The following WWOX variants were observed in gnomAD, a reference collection of about 807,000 sequenced individuals.
The protein encoded by WWOX is WW domain containing oxidoreductase, also known as WW domain-containing oxidoreductase.
WWOX carries 69 observed loss-of-function variants against 46.2 expected under a neutral mutation model. The observed-to-expected ratio is 1.49, with a 90% CI of 1.23 to 1.82. The LOEUF is 1.82. WWOX is among the 40% of genes most tolerant of loss of function. The pLI, the probability that WWOX is intolerant of heterozygous loss-of-function variation, is 0.00. For synonymous variants in WWOX, 359 were observed against 202.6 expected (o/e 1.77, Z -6.56); for missense variants, 919 against 542.6 (o/e 1.69, Z -6.89).
At chr16:78,967,241 CTAGCCCCAAACAACTGG>C (rs1281224442) in intron 8 of WWOX, among the ~76,000 whole-genome samples, 3 of 147,748 alleles carry the variant, frequency 2.0e-5, no homozygotes, top group Non-Finnish European at 3.0e-5. Context: ...GTGGATGAAT[CTAGCCCCAAACAACTGG>C]GAGGCAACTA....
intron 8 of WWOX, among the ~76,000 whole-genome samples, chr16:79,189,423 T>TTG (rs4035319): frequency 0.022 from 2,503 of 114,900 alleles, 31 homozygotes; most frequent in South Asian, 0.026. Flanking sequence ...ACTCCCAGCT[T>TTG]TGTGTGTGTG....
chr16:78,932,277 C>T (rs951438591), intron 8 of WWOX, among the ~76,000 whole-genome samples: 4 of 152,248 alleles, frequency 2.6e-5, no homozygotes, highest in African/African-American at 9.6e-5. Flanking sequence ...CTGGTCCTGT[C>T]CGCAAACAGA....
intron 8 of WWOX, among the ~76,000 whole-genome samples, chr16:78,652,782 G>A (rs565311252): frequency 4.6e-5 from 7 of 152,106 alleles, no homozygotes; most frequent in Admixed American, 6.5e-5. Context: ...TCTTTAATAC[G>A]TGTATATATT....
At chr16:78,954,370 G>A (rs1243125494) in intron 8 of WWOX, among the ~76,000 whole-genome samples, 1 of 152,116 alleles carries the variant, frequency 6.6e-6, no homozygotes, top group Non-Finnish European at 1.5e-5. Flanking sequence ...ATGGATGCAT[G>A]GATGTTTGGG....
chr16:78,852,560 C>T (rs182923445), intron 8 of WWOX, among the ~76,000 whole-genome samples: 1 of 152,136 alleles, frequency 6.6e-6, no homozygotes, highest in Admixed American at 6.5e-5. Context: ...ATGAAATGAC[C>T]ATCTTGACTT....
intron 8 of WWOX, among the ~76,000 whole-genome samples, chr16:78,930,517 C>T (rs915118146): frequency 6.7e-6 from 1 of 148,382 alleles, no homozygotes; most frequent in Non-Finnish European, 1.5e-5. Context: ...TCTTGAACTC[C>T]TAGCCTCAAG....
intron 8 of WWOX, among the ~76,000 whole-genome samples, chr16:78,912,653 T>C (rs1355940113): frequency 6.6e-6 from 1 of 152,024 alleles, no homozygotes; most frequent in Non-Finnish European, 1.5e-5. Flanking sequence ...ATGTCCCCTT[T>C]AATTCTCATT....
chr16:78,449,749 A>G (rs142904688), intron 8 of WWOX, among the ~76,000 whole-genome samples: 1 of 152,348 alleles, frequency 6.6e-6, no homozygotes, highest in African/African-American at 2.4e-5. Context: ...ACAAACTGGT[A>G]GATAATGTAT....
intron 8 of WWOX, among the ~76,000 whole-genome samples, chr16:79,040,063 C>G (rs2151408575): frequency 6.6e-6 from 1 of 152,260 alleles, no homozygotes; most frequent in East Asian, 1.9e-4. Flanking sequence ...CTCAGTGTTT[C>G]CATCTATAAA....
rs187154378 is a variant in WWOX at position 79,074,787 on chromosome 16, A to G, written c.1057-136821A>G. ...CAGAAAATAGCAAGTTATTTGCAAA[A>G]TCAAATGCTGATGTAACCATTTCCA... On this transcript the variant is annotated intron_variant, in intron 8 of 8. Coordinates refer to ENST00000566780, the MANE Select transcript of WWOX (RefSeq NM_016373.4). Among the ~76,000 whole-genome samples, 134 of 152,244 alleles carry G rather than the reference A, an allele frequency of 8.8e-4. 3 individuals are homozygous for G. Among genetic ancestry groups the G allele is most frequent in the Middle Eastern group, 3.4e-3 (1 of 294 alleles).
chr16:78,678,323 G>A (rs947338916), intron 8 of WWOX, among the ~76,000 whole-genome samples: 3 of 152,162 alleles, frequency 2.0e-5, no homozygotes, highest in Non-Finnish European at 4.4e-5. Context: ...CTGCAGTAGG[G>A]TATGAGCGGG....
intron 8 of WWOX, among the ~76,000 whole-genome samples, chr16:79,187,149 C>T (rs1377144524): frequency 2.0e-5 from 3 of 152,178 alleles, no homozygotes; most frequent in Non-Finnish European, 1.5e-5. Context: ...CCCAGCTCCA[C>T]CACTTACGAA....
intron 8 of WWOX, among the ~76,000 whole-genome samples, chr16:79,097,232 T>A (rs1195790075): frequency 6.6e-6 from 1 of 152,148 alleles, no homozygotes; most frequent in Admixed American, 6.5e-5. Flanking sequence ...AATAATTGCA[T>A]AATGACGTCT....
At chr16:78,303,318 T>A (rs1482118755) in intron 5 of WWOX, among the ~76,000 whole-genome samples, 1 of 152,164 alleles carries the variant, frequency 6.6e-6, no homozygotes, top group Admixed American at 6.5e-5. Context: ...TTGGTCTCAT[T>A]GTGGTCTTTT....
At chr16:78,959,648 G>A (rs755975214) in intron 8 of WWOX, among the ~76,000 whole-genome samples, 1 of 152,072 alleles carries the variant, frequency 6.6e-6, no homozygotes, top group Non-Finnish European at 1.5e-5. Flanking sequence ...AAAGATCAAA[G>A]AGCTCATCAA....
Position 79,212,000 on chromosome 16 carries a change from T to TGGGCTAGGCATAGGTCTCTTTG in WWOX, c.*205_*226dup. On this transcript the variant is annotated 3_prime_UTR_variant, in exon 9 of 9. Coordinates refer to ENST00000566780, the MANE Select transcript of WWOX (RefSeq NM_016373.4). ...GGGTAAAGTATCACTTTTCTGGGGC[T>TGGGCTAGGCATAGGTCTCTTTG]GGGCTAGGCATAGGTCTCTTTGCTT... 6.7e-7 allele frequency: 1 copy of TGGGCTAGGCATAGGTCTCTTTG among 1,498,758 alleles called. No homozygotes were observed. Among genetic ancestry groups the TGGGCTAGGCATAGGTCTCTTTG allele is most frequent in the Non-Finnish European group, 9.0e-7 (1 of 1,113,812 alleles). 92.8% of individuals were successfully genotyped at this position (1,498,758 alleles called of 1,614,324 possible). A position where few individuals can be genotyped will look rare whatever the true frequency, so the allele number is the denominator to read the frequency against.
chr16:78,885,209 T>A (rs78588092), intron 8 of WWOX, among the ~76,000 whole-genome samples: 5 of 149,420 alleles, frequency 3.3e-5, no homozygotes, highest in African/African-American at 7.4e-5. Flanking sequence ...TTTTTTTTTT[T>A]AATAGGTCTT....
At chr16:78,314,688 G>GTTTTTTTTTTTTTTTTT (rs375905643) in intron 5 of WWOX, among the ~76,000 whole-genome samples, 1 of 90,512 alleles carries the variant, frequency 1.1e-5, no homozygotes, top group African/African-American at 4.9e-5. Context: ...CCCTGCAGGG[G>GTTTTTTTTTTTTTTTTT]TTTTTTTTTT....
chr16:79,200,849 G>C (rs2051334276), intron 8 of WWOX, among the ~76,000 whole-genome samples: 1 of 152,164 alleles, frequency 6.6e-6, no homozygotes, highest in Non-Finnish European at 1.5e-5. Context: ...TGACAGGCGA[G>C]TCTCTATACG....
Sources: gnomAD v4.1 joint callset for allele counts (sites outside exome capture counted in the v4.1 genomes callset) on GRCh38, gnomAD v4.1.1 for gene constraint, MANE v1.5 for transcripts, NCBI Gene and HGNC (gene_info 2026-07-23, HGNC 2026-07-21) for gene names.